LARGE1: variants seen among roughly 807,000 people sequenced by gnomAD.
The protein encoded by LARGE1 is LARGE xylosyl- and glucuronyltransferase 1, also known as xylosyl- and glucuronyltransferase LARGE1.
In LARGE1, 43 loss-of-function variants were observed where a neutral mutation model predicts 87.6. The ratio of observed to expected loss-of-function variants is 0.49; its 90% CI spans 0.38 to 0.63. The LOEUF (loss-of-function observed/expected upper bound fraction) is 0.63, where lower values mean the gene tolerates loss of function less well. Among genes scored for constraint, LARGE1 ranks in the 30% least tolerant of loss-of-function variants. LARGE1 has a pLI of 0.00. For synonymous variants in LARGE1, 434 were observed against 394.6 expected (o/e 1.10, Z -1.18); for missense variants, 802 against 1,000.2 (o/e 0.80, Z 2.67).
intron 10 of LARGE1, among the ~76,000 whole-genome samples, chr22:33,326,329 T>C (rs542904643): frequency 6.6e-6 from 1 of 152,282 alleles, no homozygotes; most frequent in Non-Finnish European, 1.5e-5. Flanking sequence ...GTGCTAGGAA[T>C]GGGGAATGAG....
At chr22:33,381,804 G>T in intron 9 of LARGE1, 115 bp downstream of exon 9, 2 of 1,350,446 alleles carry the variant, frequency 1.5e-6, no homozygotes, top group Non-Finnish European at 2.1e-6. Flanking sequence ...CTGCTCTCCT[G>T]TGCCCTTATC....
At chr22:33,603,324 G>A (rs896824828) in intron 5 of LARGE1, among the ~76,000 whole-genome samples, 3 of 152,218 alleles carry the variant, frequency 2.0e-5, no homozygotes, top group Non-Finnish European at 4.4e-5. Flanking sequence ...GGTGATCAGA[G>A]ACAGAGCATC....
intron 11 of LARGE1, among the ~76,000 whole-genome samples, chr22:33,202,430 C>A (rs890619412): frequency 6.6e-6 from 1 of 152,198 alleles, no homozygotes; most frequent in African/African-American, 2.4e-5. Context: ...AACCATAGGC[C>A]AGCTTGGCCA....
At chr22:33,336,272 C>T (rs1334922757) in intron 10 of LARGE1, among the ~76,000 whole-genome samples, 1 of 152,148 alleles carries the variant, frequency 6.6e-6, no homozygotes, top group Non-Finnish European at 1.5e-5. Flanking sequence ...ATGATCTCGG[C>T]TCACTGTAAC....
chr22:33,415,995 A>G (rs2066473356), intron 7 of LARGE1, among the ~76,000 whole-genome samples: 1 of 152,198 alleles, frequency 6.6e-6, no homozygotes, highest in African/African-American at 2.4e-5. Flanking sequence ...CTGTGGCTGC[A>G]CCACGAATCT....
At chr22:33,257,554 G>A (rs1927378680) in intron 11 of LARGE1, among the ~76,000 whole-genome samples, 1 of 152,184 alleles carries the variant, frequency 6.6e-6, no homozygotes, top group African/African-American at 2.4e-5. Flanking sequence ...CTGTGAGGAG[G>A]AAGTAGACCT....
chr22:33,257,483 G>A (rs1602158098), intron 11 of LARGE1, among the ~76,000 whole-genome samples: 1 of 152,022 alleles, frequency 6.6e-6, no homozygotes, highest in African/African-American at 2.4e-5. Context: ...AAGGCAGGGG[G>A]GTGGGAGGGA....
At chr22:33,228,984 T>C (rs1051973556) in intron 11 of LARGE1, among the ~76,000 whole-genome samples, 1 of 152,216 alleles carries the variant, frequency 6.6e-6, no homozygotes, top group African/African-American at 2.4e-5. Context: ...AATATTTAAT[T>C]ATCCAGCTCA....
At chr22:33,670,734 C>T (rs773592299) in intron 2 of LARGE1, among the ~76,000 whole-genome samples, 51 of 152,304 alleles carry the variant, frequency 3.3e-4, no homozygotes, top group Middle Eastern at 3.4e-3. Flanking sequence ...CAGTGTGCAA[C>T]GCCTGTCCAA....
intron 6 of LARGE1, among the ~76,000 whole-genome samples, chr22:33,442,488 G>A (rs187130171): frequency 9.3e-4 from 142 of 152,290 alleles, no homozygotes; most frequent in Non-Finnish European, 1.5e-3. Context: ...ATACAGGGTA[G>A]GTTTGGGGAC....
At chr22:33,908,788 A>G (rs1279349155) in intron 1 of LARGE1, among the ~76,000 whole-genome samples, 1 of 152,184 alleles carries the variant, frequency 6.6e-6, no homozygotes, top group Non-Finnish European at 1.5e-5. Flanking sequence ...TTACCCCACA[A>G]TGCTGAAAAG....
intron 2 of LARGE1, among the ~76,000 whole-genome samples, chr22:33,716,666 C>G (rs2082916302): frequency 6.6e-6 from 1 of 152,198 alleles, no homozygotes; most frequent in Non-Finnish European, 1.5e-5. Context: ...TCCCCAAGCG[C>G]TGGGATTACA....
intron 11 of LARGE1, among the ~76,000 whole-genome samples, chr22:33,250,947 C>T (rs577015282): frequency 6.6e-6 from 1 of 152,248 alleles, no homozygotes; most frequent in African/African-American, 2.4e-5. Context: ...AGATATTGGT[C>T]TGTAGTTTTC....
intron 11 of LARGE1, among the ~76,000 whole-genome samples, chr22:33,220,471 T>C (rs1299822880): frequency 2.0e-5 from 3 of 151,998 alleles, no homozygotes; most frequent in Non-Finnish European, 4.4e-5. Flanking sequence ...GCAGAGTGAA[T>C]ATAGAGACAG....
At chr22:33,735,958 T>C (rs923843589) in intron 2 of LARGE1, among the ~76,000 whole-genome samples, 10 of 152,258 alleles carry the variant, frequency 6.6e-5, no homozygotes, top group African/African-American at 2.2e-4. Context: ...TGTTATAGCA[T>C]GTATCAGTAC....
At chr22:33,764,251 A>T (rs552397268) in intron 1 of LARGE1, among the ~76,000 whole-genome samples, 2 of 152,216 alleles carry the variant, frequency 1.3e-5, no homozygotes, top group South Asian at 2.1e-4. Context: ...CAGATAGGTG[A>T]TTTAAACCTG....
rs529680093 is a variant in LARGE1, at chr22:33,830,813, A to G, written c.-82-69255T>C. On this transcript the variant is annotated intron_variant, in intron 1 of 14. Transcript: ENST00000397394. ...AGCAGATTCAGTGTCTGGTGAGGGC[A>G]CCCTTGCTGCTTCACAGACAGCAGT... 4.6e-5 allele frequency among the ~76,000 whole-genome samples: 7 copies of G among 152,282 alleles called. No homozygotes were observed. In the East Asian group the frequency reaches 1.4e-3, roughly 29 times the overall value.
At chr22:33,236,261 G>GAA (rs1926247615) in intron 11 of LARGE1, among the ~76,000 whole-genome samples, 1 of 152,188 alleles carries the variant, frequency 6.6e-6, no homozygotes, top group Admixed American at 6.5e-5. Flanking sequence ...TACATGAGTG[G>GAA]AGAAACACCC....
chr22:33,780,981 A>G (rs1385882859), intron 1 of LARGE1, among the ~76,000 whole-genome samples: 1 of 152,268 alleles, frequency 6.6e-6, no homozygotes, highest in East Asian at 1.9e-4. Context: ...AATAACTGCG[A>G]TAGCGCACAA....
Sources: gnomAD v4.1 joint callset for allele counts (sites outside exome capture counted in the v4.1 genomes callset) on GRCh38, gnomAD v4.1.1 for gene constraint, MANE v1.5 for transcripts, NCBI Gene and HGNC (gene_info 2026-07-23, HGNC 2026-07-21) for gene names.